SYCP2L: variants seen among roughly 807,000 people sequenced by gnomAD.
SYCP2L encodes the protein synaptonemal complex protein 2 like.
SYCP2L carries 98 observed loss-of-function variants against 125.8 expected under a neutral mutation model. The ratio of observed to expected loss-of-function variants is 0.78; its 90% CI spans 0.66 to 0.92. SYCP2L has a LOEUF of 0.92. Ranked by LOEUF, SYCP2L falls within the 40% of genes least tolerant of loss-of-function variation. The probability of loss-of-function intolerance (pLI) is 0.00; values close to 1 mark genes in which losing one functional copy is unlikely to be tolerated. For synonymous variants in SYCP2L, 317 were observed against 325.4 expected (o/e 0.97, Z 0.28); for missense variants, 842 against 936.4 (o/e 0.90, Z 1.32).
intron 29 of SYCP2L, among the ~76,000 whole-genome samples, chr6:10,967,454 G>GGGGTTTGT (rs56098075): frequency 7.2e-6 from 1 of 138,838 alleles, no homozygotes; most frequent in Non-Finnish European, 1.6e-5. Flanking sequence ...TGGGGTAGAG[G>GGGGTTTGT]GTGTGTGTGT....
intron 26 of SYCP2L, among the ~76,000 whole-genome samples, chr6:10,960,600 T>G (rs1394302058): frequency 6.6e-6 from 1 of 152,128 alleles, no homozygotes; most frequent in Non-Finnish European, 1.5e-5. Flanking sequence ...AAAATGTAGA[T>G]GTGGGAAAAG....
At chr6:10,949,171 A>G (rs565258749) in intron 23 of SYCP2L, among the ~76,000 whole-genome samples, 15 of 151,822 alleles carry the variant, frequency 9.9e-5, no homozygotes, top group Admixed American at 5.9e-4. Flanking sequence ...TTTACTTCTT[A>G]TATCTTTACG....
At chr6:10,907,512 A>G in intron 9 of SYCP2L, 30 bp from the exon 10 acceptor site, 2 of 1,589,078 alleles carry the variant, frequency 1.3e-6, no homozygotes, top group Non-Finnish European at 1.7e-6. Context: ...GCCCAGAATT[A>G]TCTATGTCTA....
At chr6:10,892,362 C>T (rs1780187960) in intron 2 of SYCP2L, among the ~76,000 whole-genome samples, 1 of 152,196 alleles carries the variant, frequency 6.6e-6, no homozygotes, top group Non-Finnish European at 1.5e-5. Flanking sequence ...TGCAGTGGTA[C>T]AATCATGGCT....
At chr6:10,887,245 C>G (rs1321384804) in intron 1 of SYCP2L, 110 bp downstream of exon 1, 23 of 1,465,674 alleles carry the variant, frequency 1.6e-5, no homozygotes, top group Non-Finnish European at 2.2e-5. Context: ...CGCTCAGAGA[C>G]CGGGTGCTGG....
rs534615042 is a variant in SYCP2L at position 10,905,105 on chromosome 6, TGCACTCCA to T, written c.642-912_642-905del. ...TTGCAGTGAGTCGAGATCGTGCCAC[TGCACTCCA>T]GCCTGGGTGACAGAGCCAGACTTGG... On this transcript the variant is annotated intron_variant, in intron 8 of 29. Coordinates refer to ENST00000283141, the MANE Select transcript of SYCP2L (RefSeq NM_001040274.3). Among the ~76,000 whole-genome samples, 352 of 121,902 alleles carry T rather than the reference TGCACTCCA, an allele frequency of 2.9e-3. 4 individuals carry two copies. The highest frequency in any genetic ancestry group is 0.011 in the African/African-American group (342 of 31,126). 80.0% of individuals were successfully genotyped at this position (121,902 alleles called of 152,430 possible).
chr6:10,959,730 G>T (rs1463853209), intron 26 of SYCP2L, among the ~76,000 whole-genome samples: 1 of 151,982 alleles, frequency 6.6e-6, no homozygotes, highest in South Asian at 2.1e-4. Context: ...TTAGCCAGGC[G>T]TGGTGGCGCA....
At chr6:10,934,030 C>G (rs992078235) in intron 20 of SYCP2L, among the ~76,000 whole-genome samples, 10 of 152,086 alleles carry the variant, frequency 6.6e-5, no homozygotes, top group African/African-American at 1.2e-4. Context: ...AGAATAGAGG[C>G]AGGTAGAGCA....
In SYCP2L at chr6:10,924,489, C is replaced by T. The variant is rs775801461; in HGVS notation, c.1073-7C>T. 49 of 1,555,502 alleles carry T rather than the reference C, an allele frequency of 3.2e-5. No homozygotes were observed. Among genetic ancestry groups the T allele is most frequent in the Non-Finnish European group, 4.1e-5 (48 of 1,159,070 alleles). On this transcript the variant is annotated splice_polypyrimidine_tract_variant and splice_region_variant and intron_variant, in intron 14 of 29. Coordinates refer to ENST00000283141, the MANE Select transcript of SYCP2L (RefSeq NM_001040274.3). The stretch of plus-strand genomic sequence containing the variant: ...GCTATGCATTGATATTCCATATTTT[C>T]TCTTAGAAACGGAGAAGATAAAGAT...
intron 23 of SYCP2L, 66 bp downstream of exon 23, chr6:10,942,812 A>G (rs908317299): frequency 1.4e-6 from 2 of 1,422,706 alleles, no homozygotes; most frequent in Admixed American, 2.2e-5. Flanking sequence ...ATTTTGGCAG[A>G]CTGGGCTGTT....
chr6:10,888,241 C>G lies in SYCP2L; in HGVS notation c.9+1106C>G, dbSNP rs372393534. 6.6e-5 allele frequency among the ~76,000 whole-genome samples: 10 copies of G among 151,642 alleles called. No homozygotes were observed. The South Asian group carries it at 1.9e-3, about 29-fold the overall frequency. On this transcript the variant is annotated intron_variant, in intron 1 of 29. Transcript: ENST00000283141. The stretch of plus-strand genomic sequence containing the variant: ...CCTCCCGAGTAGCTGAGACTACAGG[C>G]GCGCGCCACCACGCCAGGGTAATTT...
At chr6:10,965,938 C>T (rs1781668677) in intron 29 of SYCP2L, among the ~76,000 whole-genome samples, 1 of 152,112 alleles carries the variant, frequency 6.6e-6, no homozygotes, top group Admixed American at 6.5e-5. Context: ...CACGGTAAAA[C>T]CTCATCACTA....
At chr6:10,890,253 A>G (rs967453312) in intron 1 of SYCP2L, among the ~76,000 whole-genome samples, 6 of 151,978 alleles carry the variant, frequency 3.9e-5, no homozygotes, top group African/African-American at 1.4e-4. Context: ...TGGATTTATG[A>G]TAGTTTTTTG....
chr6:10,963,753 A>G, intron 28 of SYCP2L, 29 bp from the exon 29 acceptor site: 3 of 1,611,146 alleles, frequency 1.9e-6, no homozygotes, highest in Non-Finnish European at 1.7e-6. Flanking sequence ...TAATGTGAAT[A>G]TAATAAGAGA....
intron 28 of SYCP2L, 93 bp from the exon 29 acceptor site, chr6:10,963,689 A>G: frequency 1.6e-6 from 2 of 1,280,568 alleles, no homozygotes; most frequent in Non-Finnish European, 2.2e-6. Flanking sequence ...TGGTCTGTGA[A>G]ATAACTCTGA....
chr6:10,905,464 G>C lies in SYCP2L; in HGVS notation c.642-556G>C, dbSNP rs185546483. Among the ~76,000 whole-genome samples, 395 of 152,096 alleles carry C rather than the reference G, an allele frequency of 2.6e-3. 6 individuals carry two copies. The highest frequency in any genetic ancestry group is 3.2e-3 in the Admixed American group (49 of 15,276). ...TGTGCTGCCACACCTGGCTAGTTTT[G>C]TGTTTTTAGTAGAGATGGGGTTTCT... is the stretch of plus-strand genomic sequence containing the variant. On this transcript the variant is annotated intron_variant, in intron 8 of 29. Coordinates refer to ENST00000283141, the MANE Select transcript of SYCP2L (RefSeq NM_001040274.3).
rs1780591586 is a variant in SYCP2L at position 10,910,696 on chromosome 6, C to T, written c.873-128C>T. 3 of 972,054 alleles carry T rather than the reference C, an allele frequency of 3.1e-6. No individual in the cohort carries two copies. The African/African-American group carries it at 4.8e-5, about 16-fold the overall frequency. The allele number at this position is 972,054 out of a possible 1,614,324, so 60.2% of individuals were successfully genotyped here. ...AGGTCTCCATTTGCAGGCTTGAAAC[C>T]CCCTATTGTACTCTGTACGAGGAGA... is the stretch of plus-strand genomic sequence containing the variant. On this transcript the variant is annotated intron_variant, in intron 11 of 29. Coordinates refer to ENST00000283141, the MANE Select transcript of SYCP2L (RefSeq NM_001040274.3).
intron 1 of SYCP2L, among the ~76,000 whole-genome samples, chr6:10,888,605 T>A (rs1780122554): frequency 6.6e-6 from 1 of 152,106 alleles, no homozygotes; most frequent in Non-Finnish European, 1.5e-5. Context: ...TGCAAAGTAC[T>A]GACCACCAAG....
rs1248872477 is a variant in SYCP2L, at chr6:10,955,227, T to C, written c.2056+10T>C. On this transcript the variant is annotated intron_variant, in intron 24 of 29. Coordinates refer to ENST00000283141, the MANE Select transcript of SYCP2L (RefSeq NM_001040274.3). ...GAAAGAGAGTTGCCAGGTAACATCA[T>C]GCACCCAGCCAATGGTTCAAGTAGG... 1.3e-6 allele frequency: 2 copies of C among 1,555,646 alleles called. No individual in the cohort carries two copies. The highest frequency in any genetic ancestry group is 1.8e-6 in the Non-Finnish European group (2 of 1,126,684).
Sources: allele counts gnomAD v4.1 joint callset (sites outside exome capture counted in the v4.1 genomes callset), GRCh38; gene constraint gnomAD v4.1.1; transcripts MANE v1.5; gene names NCBI Gene and HGNC (gene_info 2026-07-23, HGNC 2026-07-21).